DLG2: variants seen among roughly 807,000 people sequenced by gnomAD.
DLG2 encodes disks large homolog 2.
Under a neutral mutation model 132.5 loss-of-function variants are expected in DLG2, and 45 were observed. The observed-to-expected ratio is 0.34, with a 90% CI of 0.27 to 0.44. The LOEUF (loss-of-function observed/expected upper bound fraction) is 0.44, where lower values mean the gene tolerates loss of function less well. DLG2 is among the 20% of genes least tolerant of loss of function. The pLI is 1.00. For missense variants in DLG2, 1,045 were observed against 1,196.9 expected (o/e 0.87, Z 1.87); for synonymous variants, 424 against 419.6 (o/e 1.01, Z -0.13).
chr11:85,260,511 C>T (rs2076885881), intron 4 of DLG2, among the ~76,000 whole-genome samples: 1 of 152,182 alleles, frequency 6.6e-6, no homozygotes, highest in Non-Finnish European at 1.5e-5. Flanking sequence ...CTCCCTAATA[C>T]CTTAAACTGT....
intron 3 of DLG2, among the ~76,000 whole-genome samples, chr11:85,521,439 C>T (rs1224237623): frequency 6.6e-6 from 1 of 152,174 alleles, no homozygotes; most frequent in Non-Finnish European, 1.5e-5. Flanking sequence ...AACTTCTTTC[C>T]TTTATAAATT....
chr11:83,535,825 A>G (rs2095864847), intron 20 of DLG2, among the ~76,000 whole-genome samples: 1 of 152,164 alleles, frequency 6.6e-6, no homozygotes, highest in African/African-American at 2.4e-5. Flanking sequence ...TCACATTTAC[A>G]TCATCTCATT....
At chr11:85,381,295 T>TA (rs1038587102) in intron 3 of DLG2, among the ~76,000 whole-genome samples, 2 of 152,142 alleles carry the variant, frequency 1.3e-5, no homozygotes, top group African/African-American at 4.8e-5. Flanking sequence ...GTTCAATGTT[T>TA]AAAAAAATTG....
At chr11:84,597,885 T>C (rs2099567464) in intron 6 of DLG2, among the ~76,000 whole-genome samples, 1 of 151,920 alleles carries the variant, frequency 6.6e-6, no homozygotes, top group Non-Finnish European at 1.5e-5. Flanking sequence ...ATCAGGCCTG[T>C]ACTCCTAATT....
At chr11:85,088,007 A>G (rs1340616034) in intron 6 of DLG2, among the ~76,000 whole-genome samples, 1 of 152,208 alleles carries the variant, frequency 6.6e-6, no homozygotes, top group Admixed American at 6.5e-5. Flanking sequence ...TTAAGCTAGT[A>G]GGTTGATGTG....
At chr11:83,689,806 G>A (rs933745241) in intron 18 of DLG2, among the ~76,000 whole-genome samples, 1 of 150,928 alleles carries the variant, frequency 6.6e-6, no homozygotes, top group Admixed American at 6.6e-5. Flanking sequence ...TAAACCAGTG[G>A]TTTCAAAACT....
intron 18 of DLG2, among the ~76,000 whole-genome samples, chr11:83,778,381 A>C (rs1440820441): frequency 6.6e-6 from 1 of 152,122 alleles, no homozygotes; most frequent in East Asian, 1.9e-4. Context: ...TAGCACAAGG[A>C]TTTATTTGGC....
intron 8 of DLG2, among the ~76,000 whole-genome samples, chr11:84,220,759 C>CT (rs1006158919): frequency 5.2e-5 from 7 of 133,400 alleles, no homozygotes; most frequent in Non-Finnish European, 8.1e-5. Context: ...GTGTCACGTG[C>CT]TTTTTTTTTC....
intron 16 of DLG2, among the ~76,000 whole-genome samples, chr11:83,859,262 G>A (rs1196718134): frequency 2.6e-5 from 4 of 152,198 alleles, no homozygotes; most frequent in Non-Finnish European, 4.4e-5. Context: ...GACCAGTTTG[G>A]AGGGCTCAGA....
intron 6 of DLG2, among the ~76,000 whole-genome samples, chr11:85,027,790 G>A (rs572576854): frequency 6.6e-6 from 1 of 152,236 alleles, no homozygotes; most frequent in African/African-American, 2.4e-5. Flanking sequence ...GAACCAAAGA[G>A]CCCCAAAGAG....
intron 10 of DLG2, among the ~76,000 whole-genome samples, chr11:84,088,752 G>C (rs1247745772): frequency 6.6e-6 from 1 of 152,102 alleles, no homozygotes; most frequent in Non-Finnish European, 1.5e-5. Flanking sequence ...TTTCACTTTT[G>C]TTGGGAGAGA....
At chr11:84,035,365 A>G (rs374623441) in intron 11 of DLG2, among the ~76,000 whole-genome samples, 2 of 152,216 alleles carry the variant, frequency 1.3e-5, no homozygotes. Flanking sequence ...GTGTACACAA[A>G]TACATATATT....
At chr11:84,277,045 G>A (rs1429272622) in intron 7 of DLG2, among the ~76,000 whole-genome samples, 1 of 152,138 alleles carries the variant, frequency 6.6e-6, no homozygotes, top group Non-Finnish European at 1.5e-5. Context: ...ATCCAGTTGT[G>A]GCCAATGGAC....
At chr11:85,021,853 G>T (rs1251688515) in intron 6 of DLG2, among the ~76,000 whole-genome samples, 1 of 152,028 alleles carries the variant, frequency 6.6e-6, no homozygotes, top group African/African-American at 2.4e-5. Flanking sequence ...AAGAAAATTT[G>T]CCTTCTTTTC....
chr11:84,032,752 A>G (rs1279751195), intron 11 of DLG2, among the ~76,000 whole-genome samples: 1 of 152,224 alleles, frequency 6.6e-6, no homozygotes, highest in Non-Finnish European at 1.5e-5. Flanking sequence ...CCTAGCTCCA[A>G]GCCTTCAAAG....
At chr11:85,062,953 G>A (rs2064333176) in intron 6 of DLG2, among the ~76,000 whole-genome samples, 1 of 151,690 alleles carries the variant, frequency 6.6e-6, no homozygotes, top group Non-Finnish European at 1.5e-5. Context: ...GGGATGACTG[G>A]TATAACATCC....
chr11:84,540,931 T>A (rs1294502645), intron 6 of DLG2, among the ~76,000 whole-genome samples: 2 of 152,072 alleles, frequency 1.3e-5, no homozygotes, highest in Non-Finnish European at 2.9e-5. Context: ...CTGAGCAAAC[T>A]ATCACAAGGA....
intron 22 of DLG2, chr11:83,480,660 A>G: frequency 6.5e-7 from 1 of 1,540,170 alleles, no homozygotes; most frequent in Non-Finnish European, 8.8e-7. Context: ...CTTTAATTAC[A>G]AAAAATGCAT....
intron 3 of DLG2, among the ~76,000 whole-genome samples, chr11:85,495,806 A>G (rs966342476): frequency 2.6e-5 from 4 of 151,970 alleles, no homozygotes; most frequent in Admixed American, 1.3e-4. Flanking sequence ...ATTATAAATC[A>G]TTCTATTATA....
Sources: allele counts gnomAD v4.1 joint callset (sites outside exome capture counted in the v4.1 genomes callset), GRCh38; gene constraint gnomAD v4.1.1; transcripts MANE v1.5; gene names NCBI Gene and HGNC (gene_info 2026-07-23, HGNC 2026-07-21).